The following IRF8 variants were observed in gnomAD, a reference collection of about 807,000 sequenced individuals.
IRF8 encodes the protein interferon regulatory factor 8.
Under a neutral mutation model 48.7 loss-of-function variants are expected in IRF8, and 14 were observed. That is an observed-to-expected ratio of 0.29 (90% CI 0.19 to 0.45). The LOEUF (loss-of-function observed/expected upper bound fraction) is 0.45. IRF8 is among the 20% of genes least tolerant of loss of function. The pLI, the probability that IRF8 is intolerant of heterozygous loss-of-function variation, is 1.00. For missense variants in IRF8, 493 were observed against 580.7 expected (o/e 0.85, Z 1.55); for synonymous variants, 278 against 227.3 (o/e 1.22, Z -2.01).
chr16:85,906,332 G>A lies in IRF8; in HGVS notation c.175-2658G>A, dbSNP rs182333230. Among the ~76,000 whole-genome samples the A allele has an allele frequency of 2.3e-3, 345 of 152,312 alleles. 3 individuals are homozygous for A. Among genetic ancestry groups the A allele is most frequent in the Non-Finnish European group, 3.8e-4 (26 of 68,022 alleles). On this transcript the variant is annotated intron_variant, in intron 2 of 8. Coordinates refer to ENST00000268638, the MANE Select transcript of IRF8 (RefSeq NM_002163.4). ...GGCTGAATGAGCCATAGTGACTGTT[G>A]CTGGCGGCAGGGGTGGGGGGGCCCT...
rs754636369 is a variant in IRF8, at chr16:85,913,119, C to T, written c.448-12C>T. The stretch of plus-strand genomic sequence containing the variant: ...ACTGAGCTGCCCTCCTCTCCCTCCC[C>T]TGACTGTGCAGCCTTCTGTGGACGA... On this transcript the variant is annotated splice_polypyrimidine_tract_variant and intron_variant, in intron 4 of 8. Coordinates refer to ENST00000268638, the MANE Select transcript of IRF8 (RefSeq NM_002163.4). 8 of 1,607,688 alleles carry T rather than the reference C, an allele frequency of 5.0e-6. No homozygotes were observed. In the Admixed American group the frequency reaches 6.7e-5, roughly 13 times the overall value.
intron 6 of IRF8, among the ~76,000 whole-genome samples, chr16:85,917,533 C>T (rs192181743): frequency 6.6e-6 from 1 of 152,180 alleles, no homozygotes; most frequent in Non-Finnish European, 1.5e-5. Flanking sequence ...AAAGGAAGAC[C>T]TGTGGCACCT....
chr16:85,918,132 C>G (rs9924484), intron 6 of IRF8, among the ~76,000 whole-genome samples: 33,124 of 152,052 alleles, frequency 0.22, 5,849 homozygotes, highest in East Asian at 0.53. Context: ...CAACAGTTAC[C>G]AGACCTTCTC....
chr16:85,918,085 CG>C (rs925870474), intron 6 of IRF8, among the ~76,000 whole-genome samples: 1 of 152,148 alleles, frequency 6.6e-6, no homozygotes. Context: ...AATGAGTTGT[CG>C]AAACATCGTT....
chr16:85,899,981 A>G (rs1175264084), intron 1 of IRF8, among the ~76,000 whole-genome samples: 2 of 152,140 alleles, frequency 1.3e-5, no homozygotes, highest in Non-Finnish European at 2.9e-5. Flanking sequence ...ATGGCCCCCC[A>G]CTTTCTTTTT....
chr16:85,901,424 C>A (rs1473074442), intron 1 of IRF8, among the ~76,000 whole-genome samples: 1 of 152,104 alleles, frequency 6.6e-6, no homozygotes, highest in East Asian at 1.9e-4. Context: ...GCCGAGAGTT[C>A]AAGACCAGAC....
rs10604224 is a variant in IRF8 at position 85,920,239 on chromosome 16, CTTTTTTT to C, written c.1104+34_1104+40del. ...TTCTCGTGCAGGTAAGTATGGGCAG[CTTTTTTT>C]TTTTTTTTTTTTTTTTTTGAGATGG... is the stretch of plus-strand genomic sequence containing the variant. On this transcript the variant is annotated intron_variant, in intron 8 of 8. Transcript: ENST00000268638. 321 of 488,122 alleles carry C rather than the reference CTTTTTTT, an allele frequency of 6.6e-4. No homozygotes were observed. The highest frequency in any genetic ancestry group is 1.7e-3 in the East Asian group (31 of 18,024). 30.2% of individuals were successfully genotyped at this position (488,122 alleles called of 1,614,324 possible).
chr16:85,917,788 C>A (rs1905365219), intron 6 of IRF8, among the ~76,000 whole-genome samples: 1 of 152,288 alleles, frequency 6.6e-6, no homozygotes, highest in Non-Finnish European at 1.5e-5. Flanking sequence ...TTACATGTAT[C>A]ACCCCTCCCC....
intron 5 of IRF8, 136 bp downstream of exon 5, chr16:85,913,372 G>T (rs1448754789): frequency 1.4e-6 from 1 of 706,046 alleles, no homozygotes; most frequent in Non-Finnish European, 2.5e-6. Flanking sequence ...GCCCTGAGAG[G>T]TGAAGAACGA....
At chr16:85,901,858 G>C (rs1452500683) in intron 1 of IRF8, among the ~76,000 whole-genome samples, 1 of 151,502 alleles carries the variant, frequency 6.6e-6, no homozygotes, top group Non-Finnish European at 1.5e-5. Context: ...GTTATGTCTT[G>C]TTACTGCTGA....
chr16:85,907,238 C>T (rs993391417), intron 2 of IRF8, among the ~76,000 whole-genome samples: 1 of 152,302 alleles, frequency 6.6e-6, no homozygotes, highest in East Asian at 1.9e-4. Flanking sequence ...GCAGCATTGG[C>T]CTTGAACAGT....
chr16:85,916,936 G>A (rs1454087277), intron 6 of IRF8, among the ~76,000 whole-genome samples: 1 of 152,180 alleles, frequency 6.6e-6, no homozygotes, highest in East Asian at 1.9e-4. Flanking sequence ...TTCCTGAAGT[G>A]TCAAATCAAT....
chr16:85,920,300 G>T, intron 8 of IRF8, 76 bp downstream of exon 8: 4 of 988,938 alleles, frequency 4.0e-6, no homozygotes, highest in Non-Finnish European at 6.0e-6. Flanking sequence ...AGGCTGGTGT[G>T]CAATGGCGTG....
chr16:85,910,792 G>T (rs1905120172), intron 3 of IRF8, among the ~76,000 whole-genome samples: 1 of 152,244 alleles, frequency 6.6e-6, no homozygotes, highest in Admixed American at 6.5e-5. Context: ...TAGCTTCTCA[G>T]TGAATTCTTT....
chr16:85,916,046 T>C (rs1905294686), intron 6 of IRF8, among the ~76,000 whole-genome samples: 1 of 152,150 alleles, frequency 6.6e-6, no homozygotes, highest in East Asian at 1.9e-4. Context: ...CAGCACCTGA[T>C]ATGAGCTGTG....
intron 6 of IRF8, among the ~76,000 whole-genome samples, chr16:85,917,183 G>A (rs543739225): frequency 6.6e-6 from 1 of 152,326 alleles, no homozygotes; most frequent in South Asian, 2.1e-4. Context: ...ACTCTAGGGG[G>A]CGCCGTGGAG....
intron 5 of IRF8, 78 bp downstream of exon 5, chr16:85,913,314 G>T (rs911717301): frequency 7.8e-6 from 8 of 1,021,910 alleles, no homozygotes; most frequent in Non-Finnish European, 1.2e-5. Context: ...GGGACGGAGT[G>T]GGGGTGGTTG....
rs147892295 is a variant in IRF8, at chr16:85,918,383, C to T, written c.602-34C>T. ...GCAGGAGGGACCCTGTATGTCTCCC[C>T]GCAGCACCGTCATCGTGTCCCTCTT... On this transcript the variant is annotated intron_variant, in intron 6 of 8. Coordinates refer to ENST00000268638, the MANE Select transcript of IRF8 (RefSeq NM_002163.4). 550 of 1,590,110 alleles carry T rather than the reference C, an allele frequency of 3.5e-4. 1 individual carries two copies. In the East Asian group the frequency reaches 5.7e-3, roughly 17 times the overall value.
At chr16:85,910,168 A>C (rs1241124394) in intron 3 of IRF8, among the ~76,000 whole-genome samples, 1 of 152,248 alleles carries the variant, frequency 6.6e-6, no homozygotes, top group African/African-American at 2.4e-5. Context: ...TGAAGGAGGC[A>C]GCATGATGGT....
Sources: gnomAD v4.1 joint callset for allele counts (sites outside exome capture counted in the v4.1 genomes callset) on GRCh38, gnomAD v4.1.1 for gene constraint, MANE v1.5 for transcripts, NCBI Gene and HGNC (gene_info 2026-07-23, HGNC 2026-07-21) for gene names.